NSMCE2: variants seen among roughly 807,000 people sequenced by gnomAD.
The protein encoded by NSMCE2 is E3 SUMO-protein ligase NSE2.
A neutral mutation model predicts 23.8 loss-of-function variants in NSMCE2; 24 were observed. That is an observed-to-expected ratio of 1.01 (90% confidence interval 0.73 to 1.42). NSMCE2 has a LOEUF of 1.42. NSMCE2 is among the 40% of genes most tolerant of loss of function. NSMCE2 has a pLI of 0.00. For synonymous variants in NSMCE2, 92 were observed against 94.1 expected (o/e 0.98, Z 0.13); for missense variants, 284 against 296.5 (o/e 0.96, Z 0.31).
chr8:125,261,726 A>AGCTAATC (rs1299567124), intron 5 of NSMCE2, among the ~76,000 whole-genome samples: 3 of 151,950 alleles, frequency 2.0e-5, no homozygotes, highest in Admixed American at 6.6e-5. Context: ...TTTGGTTAAA[A>AGCTAATC]GCTAATCATG....
chr8:125,212,844 A>T (rs1824404054), intron 5 of NSMCE2, among the ~76,000 whole-genome samples: 1 of 152,204 alleles, frequency 6.6e-6, no homozygotes, highest in African/African-American at 2.4e-5. Context: ...TCACCGAGGC[A>T]TGTACCTGGT....
At chr8:125,241,211 T>A (rs11998130) in intron 5 of NSMCE2, among the ~76,000 whole-genome samples, 3 of 152,208 alleles carry the variant, frequency 2.0e-5, no homozygotes, top group African/African-American at 7.2e-5. Context: ...TTAAGGATAC[T>A]GAACCTGAAT....
chr8:125,296,005 G>A lies in NSMCE2; in HGVS notation c.419-61214G>A, dbSNP rs117428419. On this transcript the variant is annotated intron_variant, in intron 5 of 7. Transcript: ENST00000287437. ...CTAATATTTATTAAAGTATGAGTAG[G>A]AATTACAGCTTACAGCTTAGATTCT... 9.7e-3 allele frequency among the ~76,000 whole-genome samples: 1,471 copies of A among 152,120 alleles called. 13 individuals carry two copies. The highest frequency in any genetic ancestry group is 0.015 in the Non-Finnish European group (1,007 of 68,006).
intron 5 of NSMCE2, among the ~76,000 whole-genome samples, chr8:125,241,477 G>A (rs1254646605): frequency 1.3e-5 from 2 of 152,228 alleles, no homozygotes; most frequent in Non-Finnish European, 2.9e-5. Flanking sequence ...TCTCCTTACA[G>A]TTATATCTGG....
chr8:125,161,900 G>C (rs1821648776), intron 4 of NSMCE2, among the ~76,000 whole-genome samples: 1 of 151,956 alleles, frequency 6.6e-6, no homozygotes, highest in Non-Finnish European at 1.5e-5. Flanking sequence ...CTTACCCTTG[G>C]CTGATACCTG....
intron 5 of NSMCE2, among the ~76,000 whole-genome samples, chr8:125,277,256 C>G (rs1052576932): frequency 7.9e-5 from 12 of 152,116 alleles, no homozygotes; most frequent in Non-Finnish European, 7.4e-5. Flanking sequence ...CTTCCCTCCC[C>G]CTGTGCTCAC....
At chr8:125,252,560 A>C (rs1041555269) in intron 5 of NSMCE2, among the ~76,000 whole-genome samples, 4 of 152,188 alleles carry the variant, frequency 2.6e-5, no homozygotes, top group Non-Finnish European at 4.4e-5. Context: ...CATCAGTATT[A>C]AGATTTATAT....
chr8:125,151,358 C>T lies in NSMCE2; in HGVS notation c.264+81C>T, dbSNP rs549130502. The T allele has an allele frequency of 8.5e-4, 588 of 689,454 alleles. 2 individuals carry two copies. Among genetic ancestry groups the T allele is most frequent in the Non-Finnish European group, 1.3e-3 (514 of 384,662 alleles). 42.7% of individuals were successfully genotyped at this position (689,454 alleles called of 1,614,324 possible). A position where few individuals can be genotyped will look rare whatever the true frequency, so the allele number is the denominator to read the frequency against. ...GTAGAAACACAAAATCAAAATTCTT[C>T]TCTAATCTTTAATGTTTCCTTATCC... On this transcript the variant is annotated intron_variant, in intron 4 of 7. Transcript: ENST00000287437.
chr8:125,347,313 C>G (rs1023802800), intron 5 of NSMCE2, among the ~76,000 whole-genome samples: 1 of 152,168 alleles, frequency 6.6e-6, no homozygotes, highest in African/African-American at 2.4e-5. Flanking sequence ...CTCATTGTCT[C>G]AATATCCTTC....
intron 3 of NSMCE2, among the ~76,000 whole-genome samples, chr8:125,123,840 T>C (rs1819381775): frequency 6.6e-6 from 1 of 152,180 alleles, no homozygotes; most frequent in Admixed American, 6.5e-5. Flanking sequence ...TCCTCTCAGT[T>C]AGTCACTCCC....
intron 5 of NSMCE2, among the ~76,000 whole-genome samples, chr8:125,313,210 GAAAGAAAA>G (rs1328298827): frequency 6.8e-6 from 1 of 146,174 alleles, no homozygotes; most frequent in Non-Finnish European, 1.5e-5. Flanking sequence ...GAGAAAGAAA[GAAAGAAAA>G]GAAAGAAAAA....
chr8:125,208,389 A>G (rs553931993), intron 5 of NSMCE2, among the ~76,000 whole-genome samples: 1 of 152,330 alleles, frequency 6.6e-6, no homozygotes, highest in African/African-American at 2.4e-5. Context: ...AGGAATAGAG[A>G]AAAAGAAACA....
chr8:125,245,579 T>G (rs1245553453), intron 5 of NSMCE2, among the ~76,000 whole-genome samples: 1 of 151,450 alleles, frequency 6.6e-6, no homozygotes, highest in Non-Finnish European at 1.5e-5. Flanking sequence ...CATAAGTGAG[T>G]TACACAGCAA....
chr8:125,242,041 A>G (rs879774937), intron 5 of NSMCE2, among the ~76,000 whole-genome samples: 2 of 152,180 alleles, frequency 1.3e-5, no homozygotes, highest in African/African-American at 2.4e-5. Context: ...TGAGATTTCA[A>G]GATGTCCATG....
chr8:125,122,958 A>G (rs928407388), intron 3 of NSMCE2, among the ~76,000 whole-genome samples: 3 of 152,196 alleles, frequency 2.0e-5, no homozygotes, highest in Non-Finnish European at 4.4e-5. Context: ...TGTGATTTGA[A>G]TAGTAGTGGG....
At chr8:125,200,336 G>T (rs1321785303) in intron 5 of NSMCE2, among the ~76,000 whole-genome samples, 2 of 152,124 alleles carry the variant, frequency 1.3e-5, no homozygotes, top group Non-Finnish European at 2.9e-5. Context: ...CATGTTTAGT[G>T]CTTCCTTCAG....
intron 4 of NSMCE2, among the ~76,000 whole-genome samples, chr8:125,159,293 A>G (rs1476444238): frequency 6.6e-6 from 1 of 152,246 alleles, no homozygotes; most frequent in Non-Finnish European, 1.5e-5. Flanking sequence ...TCATACAGTC[A>G]TGAACCACAT....
At chr8:125,275,162 C>A (rs959209361) in intron 5 of NSMCE2, among the ~76,000 whole-genome samples, 1 of 151,608 alleles carries the variant, frequency 6.6e-6, no homozygotes, top group Admixed American at 6.6e-5. Flanking sequence ...CTCTTCACAC[C>A]CCCCTTCCAT....
At chr8:125,320,175 CAA>C (rs1228898213) in intron 5 of NSMCE2, among the ~76,000 whole-genome samples, 1 of 111,444 alleles carries the variant, frequency 9.0e-6, no homozygotes. Context: ...GACTCCATCT[CAA>C]AAAAAAAAGA....
Sources: allele counts gnomAD v4.1 joint callset (sites outside exome capture counted in the v4.1 genomes callset), GRCh38; gene constraint gnomAD v4.1.1; transcripts MANE v1.5; gene names NCBI Gene and HGNC (gene_info 2026-07-23, HGNC 2026-07-21).